RFX7: variants seen among roughly 807,000 people sequenced by gnomAD.
RFX7 encodes regulatory factor X7.
A neutral mutation model predicts 111.8 loss-of-function variants in RFX7; 26 were observed. The ratio of observed to expected loss-of-function variants is 0.23; its 90% CI spans 0.17 to 0.32. The LOEUF (loss-of-function observed/expected upper bound fraction) is 0.32. Among genes scored for constraint, RFX7 ranks in the 10% least tolerant of loss-of-function variants. RFX7 has a pLI of 1.00. For missense variants in RFX7, 1,573 were observed against 1,772.9 expected (o/e 0.89, Z 2.02); for synonymous variants, 624 against 624.4 (o/e 1.00, Z 0.01).
intron 5 of RFX7, among the ~76,000 whole-genome samples, chr15:56,106,754 A>T (rs72736479): frequency 0.13 from 19,762 of 152,204 alleles, 1,666 homozygotes; most frequent in East Asian, 0.43. Context: ...TCTTTTAAAA[A>T]TCTAATTTAG....
intron 2 of RFX7, among the ~76,000 whole-genome samples, chr15:56,236,148 T>C (rs1057065086): frequency 2.0e-5 from 3 of 152,208 alleles, no homozygotes; most frequent in African/African-American, 7.2e-5. Flanking sequence ...AGAGAGGTTG[T>C]ACATAATTAA....
At position 56,243,686 on chromosome 15, in the gene RFX7, G is replaced by C. The variant is rs2043751680; in HGVS notation, c.-244C>G. On this transcript the variant is annotated 5_prime_UTR_variant, in exon 1 of 10. Coordinates refer to ENST00000559447, the MANE Select transcript of RFX7 (RefSeq NM_022841.7). ...AAAATCCAAGAAGAACGGTTGCTCA[G>C]GGATTTGGCGGCCAAGCCTTCCTTC... Among the ~76,000 whole-genome samples, 1 of 151,754 alleles carries C rather than the reference G, an allele frequency of 6.6e-6. No individual in the cohort carries two copies.
chr15:56,151,807 G>A (rs776322487), intron 3 of RFX7, among the ~76,000 whole-genome samples: 4 of 152,126 alleles, frequency 2.6e-5, no homozygotes, highest in South Asian at 2.1e-4. Flanking sequence ...GCTGTATTCA[G>A]GAGACCTATC....
At chr15:56,200,576 G>C (rs12594860) in intron 2 of RFX7, among the ~76,000 whole-genome samples, 4 of 151,844 alleles carry the variant, frequency 2.6e-5, no homozygotes, top group African/African-American at 9.7e-5. Flanking sequence ...CGAGGTGGGC[G>C]GATCACGAGG....
At chr15:56,154,522 C>A (rs1486949416) in intron 3 of RFX7, among the ~76,000 whole-genome samples, 1 of 152,120 alleles carries the variant, frequency 6.6e-6, no homozygotes, top group African/African-American at 2.4e-5. Flanking sequence ...GAAAAACAAG[C>A]AATGGGGAAA....
At chr15:56,155,699 C>A (rs1345456461) in intron 3 of RFX7, among the ~76,000 whole-genome samples, 1 of 152,030 alleles carries the variant, frequency 6.6e-6, no homozygotes, top group Non-Finnish European at 1.5e-5. Context: ...AGCACTAGGG[C>A]ACATGAATAC....
intron 3 of RFX7, among the ~76,000 whole-genome samples, 167 bp from the exon 4 acceptor site, chr15:56,144,650 A>T (rs1316366400): frequency 6.6e-6 from 1 of 152,150 alleles, no homozygotes; most frequent in Non-Finnish European, 1.5e-5. Context: ...TTATTTGATA[A>T]ATTTATTGCA....
At chr15:56,099,486 C>G (rs1441016180) in intron 8 of RFX7, among the ~76,000 whole-genome samples, 1 of 152,152 alleles carries the variant, frequency 6.6e-6, no homozygotes, top group African/African-American at 2.4e-5. Flanking sequence ...TCAGCACCTG[C>G]ACTCTGGAGA....
intron 2 of RFX7, among the ~76,000 whole-genome samples, chr15:56,230,280 G>A (rs1302536797): frequency 3.9e-5 from 6 of 152,172 alleles, no homozygotes; most frequent in African/African-American, 1.4e-4. Context: ...TCTGCTCAGT[G>A]GTTTTTAGAT....
intron 2 of RFX7, among the ~76,000 whole-genome samples, chr15:56,215,826 T>G (rs1453423494): frequency 6.6e-6 from 1 of 152,210 alleles, no homozygotes; most frequent in Non-Finnish European, 1.5e-5. Context: ...CTGAGGTGGG[T>G]GGGTTCTGTC....
At chr15:56,239,557 G>A (rs12594038) in intron 2 of RFX7, among the ~76,000 whole-genome samples, 19,870 of 152,122 alleles carry the variant, frequency 0.13, 1,732 homozygotes, top group East Asian at 0.45. Context: ...GTGAGCCACC[G>A]CGCCTGGCCT....
At position 56,229,612 on chromosome 15, in the gene RFX7, C is replaced by T. The variant is rs374840606; in HGVS notation, c.161+13513G>A. Among the ~76,000 whole-genome samples the T allele has an allele frequency of 1.4e-4, 21 of 152,222 alleles. 1 individual carries two copies. Among genetic ancestry groups the T allele is most frequent in the East Asian group, 1.2e-3 (6 of 5,168 alleles). ...TTTCAGTTAGAGAATGAGAATCTCCCGGAAGACTCGTTAAAACAAACACTG... is the reference window on the plus strand; with the variant it reads ...TTTCAGTTAGAGAATGAGAATCTCCTGGAAGACTCGTTAAAACAAACACTG... On this transcript the variant is annotated intron_variant, in intron 2 of 9. Coordinates refer to ENST00000559447, the MANE Select transcript of RFX7 (RefSeq NM_022841.7).
At chr15:56,120,693 C>T (rs1346558776) in intron 5 of RFX7, among the ~76,000 whole-genome samples, 1 of 152,046 alleles carries the variant, frequency 6.6e-6, no homozygotes, top group Non-Finnish European at 1.5e-5. Flanking sequence ...GGGTTTTTAT[C>T]ATGAAGAGAT....
At chr15:56,121,336 GAA>G (rs1250981631) in intron 5 of RFX7, among the ~76,000 whole-genome samples, 3 of 152,166 alleles carry the variant, frequency 2.0e-5, no homozygotes, top group African/African-American at 7.2e-5. Flanking sequence ...GGTTCCCACT[GAA>G]AAGTCTGCTG....
Position 56,101,583 on chromosome 15 carries a change from G to C in RFX7, c.604-17C>G. The stretch of plus-strand genomic sequence containing the variant: ...TCCTTCCAACTAGGCAAAGAAAAAA[G>C]GAAATGTTAACTTGTAAAAGACCAG... On this transcript the variant is annotated splice_polypyrimidine_tract_variant and intron_variant, in intron 7 of 9. Coordinates refer to ENST00000559447, the MANE Select transcript of RFX7 (RefSeq NM_022841.7). 1 of 1,601,066 alleles carries C rather than the reference G, an allele frequency of 6.2e-7. No homozygotes were observed. Among genetic ancestry groups the C allele is most frequent in the Non-Finnish European group, 8.6e-7 (1 of 1,169,440 alleles).
chr15:56,238,903 G>A (rs1345927678), intron 2 of RFX7, among the ~76,000 whole-genome samples: 1 of 151,980 alleles, frequency 6.6e-6, no homozygotes, highest in Non-Finnish European at 1.5e-5. Context: ...GCATGATCTC[G>A]GCTCACTGCA....
Position 56,093,798 on chromosome 15 carries a change from C to T in RFX7, c.3930G>A (p.Glu1310=). 6.2e-7 allele frequency: 1 copy of T among 1,613,902 alleles called. No individual in the cohort carries two copies. The highest frequency in any genetic ancestry group is 8.5e-7 in the Non-Finnish European group (1 of 1,179,868). ...NMIDSSTSVY[E]FQTPSYLTKS... ...TGGTGAGGTAAGATGGTGTTTGGAA[C>T]TCATAAACAGAAGTGCTGGAATCGA... The change falls in exon 10 of 10, where the codon GAG becomes GAA. Residue 1310 remains glutamate (E), a synonymous_variant. Transcript: ENST00000559447.
chr15:56,242,209 C>CATTACTTTCCATTT (rs1199801662), intron 2 of RFX7, among the ~76,000 whole-genome samples: 1 of 152,056 alleles, frequency 6.6e-6, no homozygotes, highest in Admixed American at 6.5e-5. Flanking sequence ...GACCAAATTC[C>CATTACTTTCCATTT]AAATATTACT....
At chr15:56,136,182 A>T (rs1156872134) in intron 5 of RFX7, among the ~76,000 whole-genome samples, 2 of 151,452 alleles carry the variant, frequency 1.3e-5, no homozygotes, top group Non-Finnish European at 2.9e-5. Context: ...TGGGGATGGC[A>T]TTGAATCTGT....
Sources: gnomAD v4.1 joint callset for allele counts (sites outside exome capture counted in the v4.1 genomes callset) on GRCh38, gnomAD v4.1.1 for gene constraint, MANE v1.5 for transcripts, NCBI Gene and HGNC (gene_info 2026-07-23, HGNC 2026-07-21) for gene names.